The following CTIF variants were observed in gnomAD, a reference collection of about 807,000 sequenced individuals.
CTIF encodes the protein cap binding complex dependent translation initiation factor, also known as CBP80/20-dependent translation initiation factor.
CTIF carries 21 observed loss-of-function variants against 66.0 expected under a neutral mutation model. The ratio of observed to expected loss-of-function variants is 0.32; its 90% confidence interval spans 0.23 to 0.46. The LOEUF is 0.46. Among genes scored for constraint, CTIF ranks in the 20% least tolerant of loss-of-function variants. CTIF has a pLI of 1.00. For missense variants in CTIF, 739 were observed against 812.7 expected, an observed-to-expected ratio of 0.91 and a Z score of 1.10; for synonymous variants, 345 against 326.4, an observed-to-expected ratio of 1.06 and a Z score of -0.62.
At position 48,818,508 on chromosome 18, in the gene CTIF, G is replaced by A. The variant is rs181894738; in HGVS notation, c.1527+1132G>A. Among the ~76,000 whole-genome samples, 6 of 152,296 alleles carry A rather than the reference G, an allele frequency of 3.9e-5. No individual in the cohort carries two copies. In the East Asian group the frequency reaches 5.8e-4, roughly 15 times the overall value. On this transcript the variant is annotated intron_variant, in intron 10 of 11. Transcript: ENST00000256413. ...GTTAGCTGTCCCTAGGGAACTGCCC[G>A]GAGGTTGGCCGGGTGGAAGGGTCTA...
chr18:48,648,627 T>C (rs1162075708), intron 3 of CTIF, among the ~76,000 whole-genome samples: 1 of 151,978 alleles, frequency 6.6e-6, no homozygotes, highest in African/African-American at 2.4e-5. Flanking sequence ...AAAGTCTGCT[T>C]TAGTTTGGGC....
At chr18:48,841,264 A>C (rs1028109202) in intron 10 of CTIF, among the ~76,000 whole-genome samples, 2 of 152,192 alleles carry the variant, frequency 1.3e-5, no homozygotes, top group Admixed American at 6.5e-5. Context: ...GTGAGCAAGC[A>C]GGGGCCAGTG....
At position 48,859,719 on chromosome 18, in the gene CTIF, G is replaced by A. The variant is rs1415577868; in HGVS notation, c.*160G>A. On this transcript the variant is annotated 3_prime_UTR_variant, in exon 12 of 12. Transcript: ENST00000256413. ...AGTCTGGAGCCAGACGGGGAAGGGA[G>A]CAAATCCCTGAGAGGAGTGCCCCCG... is the stretch of plus-strand genomic sequence containing the variant. 4 of 720,566 alleles carry A rather than the reference G, an allele frequency of 5.6e-6. No homozygotes were observed. The highest frequency in any genetic ancestry group is 9.9e-6 in the Non-Finnish European group (4 of 404,240). 44.6% of individuals were successfully genotyped at this position (720,566 alleles called of 1,614,324 possible).
chr18:48,678,871 G>A (rs904689693), intron 6 of CTIF, among the ~76,000 whole-genome samples: 1 of 152,202 alleles, frequency 6.6e-6, no homozygotes, highest in Non-Finnish European at 1.5e-5. Context: ...GGATTTTAGG[G>A]ATTGGCAAAC....
At position 48,839,906 on chromosome 18, in the gene CTIF, T is replaced by C. The variant is rs142784803; in HGVS notation, c.1528-17682T>C. ...CCTCACCCCAGCCAGCAGAAAGCCA[T>C]GCTTTCTTTCAAATCCAATCTTCAG... On this transcript the variant is annotated intron_variant, in intron 10 of 11. Coordinates refer to ENST00000256413, the MANE Select transcript of CTIF (RefSeq NM_014772.3). Among the ~76,000 whole-genome samples the C allele has an allele frequency of 3.0e-4, 46 of 152,274 alleles. 1 individual carries two copies. The East Asian group carries it at 8.7e-3, about 29-fold the overall frequency.
intron 6 of CTIF, among the ~76,000 whole-genome samples, chr18:48,679,934 G>T (rs181679585): frequency 1.3e-5 from 2 of 152,284 alleles, no homozygotes; most frequent in East Asian, 1.9e-4. Flanking sequence ...TGTTGAGAGT[G>T]GGGGAGTCCA....
chr18:48,707,395 T>C (rs1384201009), intron 6 of CTIF, among the ~76,000 whole-genome samples: 1 of 152,210 alleles, frequency 6.6e-6, no homozygotes, highest in Non-Finnish European at 1.5e-5. Flanking sequence ...TTCCTGTCAT[T>C]GGGTGCCACT....
intron 1 of CTIF, among the ~76,000 whole-genome samples, chr18:48,575,008 G>A (rs62102933): frequency 0.026 from 3,885 of 152,260 alleles, 68 homozygotes; most frequent in Non-Finnish European, 0.037. Context: ...TTGGGAACTG[G>A]GTATGACCAG....
At chr18:48,595,301 G>A (rs1217173199) in intron 1 of CTIF, among the ~76,000 whole-genome samples, 2 of 152,230 alleles carry the variant, frequency 1.3e-5, no homozygotes, top group East Asian at 3.8e-4. Flanking sequence ...GGGAGAGTGG[G>A]AGCGGCTCCC....
At chr18:48,621,704 G>T in intron 2 of CTIF, 1 of 271,116 alleles carries the variant, frequency 3.7e-6, no homozygotes, top group South Asian at 3.1e-5. Flanking sequence ...TCCACTGAGC[G>T]GTGAAGGCAG....
At chr18:48,604,321 C>T (rs373752541) in intron 1 of CTIF, among the ~76,000 whole-genome samples, 6 of 151,584 alleles carry the variant, frequency 4.0e-5, no homozygotes, top group African/African-American at 9.7e-5. Flanking sequence ...GGACTACAGG[C>T]GCCTGCCACC....
chr18:48,748,796 A>G (rs1907504750), intron 7 of CTIF, among the ~76,000 whole-genome samples: 1 of 152,220 alleles, frequency 6.6e-6, no homozygotes, highest in African/African-American at 2.4e-5. Flanking sequence ...AGAATGGGCA[A>G]CAGCTAACTA....
intron 1 of CTIF, among the ~76,000 whole-genome samples, chr18:48,562,914 G>C (rs2089194998): frequency 6.6e-6 from 1 of 152,190 alleles, no homozygotes. Context: ...TTAGACTCTT[G>C]TCATAAAAAT....
intron 1 of CTIF, among the ~76,000 whole-genome samples, chr18:48,581,554 A>AG (rs539862108): frequency 1.3e-5 from 2 of 152,214 alleles, no homozygotes; most frequent in Non-Finnish European, 2.9e-5. Context: ...AGAGAGAGGA[A>AG]GAGCCACTTG....
chr18:48,773,384 G>A (rs151112441), intron 9 of CTIF, among the ~76,000 whole-genome samples: 19 of 152,334 alleles, frequency 1.2e-4, no homozygotes, highest in Non-Finnish European at 2.2e-4. Context: ...AAAGACCTGA[G>A]CTGTGATGGC....
chr18:48,859,747 C>T lies in CTIF; in HGVS notation c.*188C>T, dbSNP rs1485806901. On this transcript the variant is annotated 3_prime_UTR_variant, in exon 12 of 12. Coordinates refer to ENST00000256413, the MANE Select transcript of CTIF (RefSeq NM_014772.3). The stretch of plus-strand genomic sequence containing the variant: ...AATCCCTGAGAGGAGTGCCCCCGCA[C>T]AAGCCCCCCAGCCCGAGCATGCAAG... 2 of 698,872 alleles carry T rather than the reference C, an allele frequency of 2.9e-6. No homozygotes were observed. The highest frequency in any genetic ancestry group is 3.5e-5 in the African/African-American group (2 of 57,192). 43.3% of individuals were successfully genotyped at this position (698,872 alleles called of 1,614,324 possible).
chr18:48,856,837 T>C (rs1035003283), intron 10 of CTIF, among the ~76,000 whole-genome samples: 1 of 152,238 alleles, frequency 6.6e-6, no homozygotes, highest in Admixed American at 6.5e-5. Context: ...GTGGTGATGG[T>C]TGCACAATTC....
intron 10 of CTIF, among the ~76,000 whole-genome samples, chr18:48,848,622 G>A (rs192472356): frequency 3.3e-5 from 5 of 152,284 alleles, no homozygotes; most frequent in African/African-American, 1.2e-4. Context: ...CAGCGAGGCT[G>A]CCCCATGAGT....
chr18:48,593,886 C>G (rs541402142), intron 1 of CTIF, among the ~76,000 whole-genome samples: 1 of 152,208 alleles, frequency 6.6e-6, no homozygotes, highest in South Asian at 2.1e-4. Flanking sequence ...CCCAGTGATG[C>G]TGGGAACCCA....
Sources: allele counts gnomAD v4.1 joint callset (sites outside exome capture counted in the v4.1 genomes callset), GRCh38; gene constraint gnomAD v4.1.1; transcripts MANE v1.5; gene names NCBI Gene and HGNC (gene_info 2026-07-23, HGNC 2026-07-21).